Variants in HECTD2 observed in about 807,000 individuals in gnomAD.
The protein encoded by HECTD2 is HECT domain E3 ubiquitin protein ligase 2, also known as probable E3 ubiquitin-protein ligase HECTD2.
Under a neutral mutation model 103.2 loss-of-function variants are expected in HECTD2, and 35 were observed. That is an observed-to-expected ratio of 0.34 (90% CI 0.26 to 0.45). The LOEUF (loss-of-function observed/expected upper bound fraction) is 0.45. Ranked by LOEUF, HECTD2 falls within the 20% of genes least tolerant of loss-of-function variation. The pLI, the probability that HECTD2 is intolerant of heterozygous loss-of-function variation, is 1.00. For missense variants in HECTD2, 596 were observed against 937.4 expected (o/e 0.64, Z 4.76); for synonymous variants, 281 against 329.9 (o/e 0.85, Z 1.61).
At chr10:91,448,836 G>A (rs1441651490) in intron 2 of HECTD2, among the ~76,000 whole-genome samples, 1 of 36,472 alleles carries the variant, frequency 2.7e-5, no homozygotes, top group East Asian at 5.6e-4. Flanking sequence ...GGAAGAAGTC[G>A]AATCTCTGAA....
intron 1 of HECTD2, among the ~76,000 whole-genome samples, chr10:91,414,230 G>T (rs1448194098): frequency 1.3e-5 from 2 of 152,180 alleles, no homozygotes. Context: ...TTAGGTCAGA[G>T]AGGTGAAGAG....
intron 5 of HECTD2, chr10:91,462,829 GAC>G: frequency 1.1e-6 from 1 of 912,750 alleles, no homozygotes; most frequent in Non-Finnish European, 1.3e-6. Flanking sequence ...GTGAAAAATT[GAC>G]ATCTTTTCAA....
At chr10:91,467,711 T>C (rs1304381308) in intron 5 of HECTD2, among the ~76,000 whole-genome samples, 2 of 151,350 alleles carry the variant, frequency 1.3e-5, no homozygotes, top group East Asian at 3.9e-4. Flanking sequence ...TTCCCACTGC[T>C]TTGCCAAGGT....
chr10:91,467,886 C>T (rs543390508), intron 5 of HECTD2, among the ~76,000 whole-genome samples: 1 of 152,174 alleles, frequency 6.6e-6, no homozygotes, highest in Admixed American at 6.5e-5. Flanking sequence ...CTAGCCCCCC[C>T]ACCATGCTGA....
At chr10:91,459,453 T>C (rs968568414) in intron 2 of HECTD2, among the ~76,000 whole-genome samples, 1 of 152,050 alleles carries the variant, frequency 6.6e-6, no homozygotes, top group African/African-American at 2.4e-5. Context: ...TAGTTAACCA[T>C]ATAGCGGTAC....
At chr10:91,450,664 T>G (rs1223017569) in intron 2 of HECTD2, among the ~76,000 whole-genome samples, 1 of 149,424 alleles carries the variant, frequency 6.7e-6, no homozygotes, top group Non-Finnish European at 1.5e-5. Context: ...ACAAGGAAGT[T>G]AAACAGATTT....
chr10:91,473,432 C>T (rs998782255), intron 5 of HECTD2, among the ~76,000 whole-genome samples: 3 of 152,042 alleles, frequency 2.0e-5, no homozygotes, highest in East Asian at 1.9e-4. Flanking sequence ...CACCAACAGA[C>T]GTATACTTAA....
intron 2 of HECTD2, among the ~76,000 whole-genome samples, chr10:91,429,304 A>T (rs1046234523): frequency 6.6e-6 from 1 of 152,114 alleles, no homozygotes; most frequent in African/African-American, 2.4e-5. Flanking sequence ...GGATTTTTGC[A>T]TCAATGTTCA....
At chr10:91,503,854 C>T (rs1480370365) in intron 20 of HECTD2, among the ~76,000 whole-genome samples, 1 of 152,208 alleles carries the variant, frequency 6.6e-6, no homozygotes, top group Non-Finnish European at 1.5e-5. Context: ...ACAGCAGTAA[C>T]CTCTGCAGAC....
chr10:91,456,694 T>G (rs982167452), intron 2 of HECTD2, among the ~76,000 whole-genome samples: 6 of 152,148 alleles, frequency 3.9e-5, no homozygotes, highest in African/African-American at 1.2e-4. Flanking sequence ...GCCCATTCAG[T>G]ATGATATTGG....
chr10:91,415,006 T>G (rs1843062763), intron 1 of HECTD2, among the ~76,000 whole-genome samples: 1 of 152,134 alleles, frequency 6.6e-6, no homozygotes, highest in African/African-American at 2.4e-5. Context: ...GAAAAGAGCT[T>G]TGTAGCTCAT....
intron 1 of HECTD2, among the ~76,000 whole-genome samples, chr10:91,422,214 A>G (rs1843386006): frequency 6.6e-6 from 1 of 152,102 alleles, no homozygotes; most frequent in Non-Finnish European, 1.5e-5. Context: ...CTACCTTCCC[A>G]GTCATATCTT....
chr10:91,414,902 G>T (rs1212698231), intron 1 of HECTD2, among the ~76,000 whole-genome samples: 2 of 152,148 alleles, frequency 1.3e-5, no homozygotes, highest in African/African-American at 4.8e-5. Flanking sequence ...TCCCCCTGCG[G>T]TTAGTGGGAA....
chr10:91,500,796 C>A, intron 19 of HECTD2, among the ~76,000 whole-genome samples, 179 bp downstream of exon 19: 1 of 151,938 alleles, frequency 6.6e-6, no homozygotes, highest in Non-Finnish European at 1.5e-5. Flanking sequence ...GAAATCACTC[C>A]CTTTGGGAGA....
intron 20 of HECTD2, among the ~76,000 whole-genome samples, chr10:91,507,027 A>G (rs1053350775): frequency 2.0e-5 from 3 of 152,216 alleles, no homozygotes; most frequent in African/African-American, 4.8e-5. Context: ...CAAAAACCAC[A>G]TGATTATCTC....
intron 8 of HECTD2, chr10:91,484,155 G>A (rs1846187646): frequency 1.8e-6 from 1 of 543,180 alleles, no homozygotes; most frequent in South Asian, 2.4e-5. Context: ...TCTTTCACAT[G>A]TCCCCAAATG....
intron 5 of HECTD2, among the ~76,000 whole-genome samples, chr10:91,466,294 T>C (rs1043197638): frequency 1.3e-5 from 2 of 152,136 alleles, no homozygotes; most frequent in Admixed American, 1.3e-4. Context: ...TAATTAGTAT[T>C]TTCTCACTTC....
intron 2 of HECTD2, among the ~76,000 whole-genome samples, chr10:91,443,611 G>A (rs1020826901): frequency 9.9e-5 from 15 of 152,150 alleles, no homozygotes; most frequent in Non-Finnish European, 1.6e-4. Flanking sequence ...TGAGCGCTGT[G>A]CTGGGAGATC....
chr10:91,484,643 T>C lies in HECTD2; in HGVS notation c.958T>C (p.Leu320=), dbSNP rs763160910. 5 of 1,598,754 alleles carry C rather than the reference T, an allele frequency of 3.1e-6. No individual in the cohort carries two copies. The South Asian group carries it at 4.6e-5, about 15-fold the overall frequency. ...SWWIPSAAKV[L]ALLNTANNLV... ...GTGGATTCCATCAGCCGCTAAAGTG[T>C]TGGCTTTACTTAGTAGGTTTTTATT... The change falls in exon 9 of 21, where the codon TTG becomes CTG. Residue 320 remains leucine, a synonymous_variant. Transcript: ENST00000298068.
Sources: allele counts gnomAD v4.1 joint callset (sites outside exome capture counted in the v4.1 genomes callset), GRCh38; gene constraint gnomAD v4.1.1; transcripts MANE v1.5; gene names NCBI Gene and HGNC (gene_info 2026-07-23, HGNC 2026-07-21).